C1QTNF3: variants seen among roughly 807,000 people sequenced by gnomAD.
C1QTNF3 encodes the protein C1q and TNF related 3.
Under a neutral mutation model 32.6 loss-of-function variants are expected in C1QTNF3, and 26 were observed. The ratio of observed to expected loss-of-function variants is 0.80; its 90% CI spans 0.58 to 1.11. The LOEUF is 1.11. Among genes scored for constraint, C1QTNF3 ranks in the 50% least tolerant of loss-of-function variants. The pLI is 0.00. For synonymous variants in C1QTNF3, 155 were observed against 146.0 expected (o/e 1.06, Z -0.44); for missense variants, 362 against 398.2 (o/e 0.91, Z 0.77).
At chr5:34,229,211 A>G in the C1QTNF3 span, among the ~76,000 whole-genome samples, 27 of 151,998 alleles carry the variant, frequency 1.8e-4, no homozygotes, top group South Asian at 4.1e-4. Flanking sequence ...AACAAATGGC[A>G]CATACTTAAT....
At chr5:34,136,945 AAGG>A in the C1QTNF3 span, among the ~76,000 whole-genome samples, 1 of 152,088 alleles carries the variant, frequency 6.6e-6, no homozygotes, top group African/African-American at 2.4e-5. Flanking sequence ...GGAATTGAAC[AAGG>A]AGATCACTTG....
At chr5:34,043,755 A>G (rs1754932319), upstream of C1QTNF3, 1 of 152,392 alleles carries the variant, frequency 6.6e-6, no homozygotes, top group Non-Finnish European at 1.5e-5. Context: ...ATTCAGGTGC[A>G]GTGTCTCTGG....
chr5:34,229,622 AAGATTCTTTACATGT>A, the C1QTNF3 span, among the ~76,000 whole-genome samples: 1 of 152,170 alleles, frequency 6.6e-6, no homozygotes, highest in African/African-American at 2.4e-5. Flanking sequence ...ATGCAATCGT[AAGATTCTTTACATGT>A]AGAAGAGGGA....
chr5:34,201,658 AG>A, the C1QTNF3 span, among the ~76,000 whole-genome samples: 239 of 152,334 alleles, frequency 1.6e-3, 1 homozygote, highest in African/African-American at 5.5e-3. Context: ...TCTGATAAAA[AG>A]GGGGCAGAGA....
the C1QTNF3 span, among the ~76,000 whole-genome samples, chr5:34,077,830 C>CCT: frequency 6.6e-6 from 1 of 151,390 alleles, no homozygotes; most frequent in Admixed American, 6.6e-5. Context: ...ACCTCAAGAG[C>CCT]AGAGGGCTCC....
chr5:34,123,962 T>C, the C1QTNF3 span, among the ~76,000 whole-genome samples: 2 of 152,198 alleles, frequency 1.3e-5, no homozygotes, highest in Non-Finnish European at 2.9e-5. Context: ...AGATGTCTAC[T>C]TCTAAAACTG....
chr5:34,238,473 A>G, the C1QTNF3 span, among the ~76,000 whole-genome samples: 1 of 152,220 alleles, frequency 6.6e-6, no homozygotes, highest in Non-Finnish European at 1.5e-5. Flanking sequence ...AATTCAGTAT[A>G]AGAATTTTAT....
At chr5:34,137,692 T>A in the C1QTNF3 span, among the ~76,000 whole-genome samples, 1 of 152,228 alleles carries the variant, frequency 6.6e-6, no homozygotes, top group South Asian at 2.1e-4. Context: ...TGACTTTTGT[T>A]TTCACATGCA....
the C1QTNF3 span, among the ~76,000 whole-genome samples, chr5:34,050,176 T>C: frequency 3.9e-5 from 6 of 152,198 alleles, no homozygotes; most frequent in African/African-American, 1.4e-4. Context: ...GATCACCTCA[T>C]TGTCCACATC....
chr5:34,147,242 T>C, the C1QTNF3 span, among the ~76,000 whole-genome samples: 30 of 152,338 alleles, frequency 2.0e-4, 1 homozygote, highest in Non-Finnish European at 4.3e-4. Flanking sequence ...CTGTGGAAAG[T>C]AGTTTGGAGA....
At chr5:34,163,322 G>T in the C1QTNF3 span, among the ~76,000 whole-genome samples, 1 of 151,940 alleles carries the variant, frequency 6.6e-6, no homozygotes, top group Non-Finnish European at 1.5e-5. Context: ...GCATGTACCC[G>T]CAAACCTAAA....
the C1QTNF3 span, among the ~76,000 whole-genome samples, chr5:34,201,154 T>C: frequency 7.9e-5 from 12 of 151,922 alleles, no homozygotes; most frequent in South Asian, 2.1e-4. Context: ...ATTCAATATA[T>C]ATTTTTAGAA....
chr5:34,063,288 CCTCT>C, the C1QTNF3 span, among the ~76,000 whole-genome samples: 1 of 84,138 alleles, frequency 1.2e-5, no homozygotes, highest in Non-Finnish European at 2.5e-5. Flanking sequence ...CTCTCTCTTC[CCTCT>C]CTCTCCTCTC....
the C1QTNF3 span, among the ~76,000 whole-genome samples, chr5:34,138,779 G>GA: frequency 6.6e-6 from 1 of 151,932 alleles, no homozygotes; most frequent in African/African-American, 2.4e-5. Context: ...CATAATTTTT[G>GA]AAAAAATACT....
Position 34,020,664 on chromosome 5 carries a change from C to A in C1QTNF3, c.879G>T (p.Leu293=). 1.9e-6 allele frequency: 3 copies of A among 1,614,254 alleles called. No individual in the cohort carries two copies. The highest frequency in any genetic ancestry group is 2.5e-6 in the Non-Finnish European group (3 of 1,180,042). Residue 293 remains leucine, a synonymous_variant, in exon 6 of 6, where the codon CTG becomes CTT. Coordinates refer to ENST00000382065, the MANE Select transcript of C1QTNF3 (RefSeq NM_181435.6). ...LKLAKGDEVW[L]RMGNGALHGD... is the part of the protein sequence containing the mutation. ...CATGGAGAGCGCCATTGCCCATTCG[C>A]AGCCAAACCTCATCCCCTTTGGCTA...
the C1QTNF3 span, among the ~76,000 whole-genome samples, chr5:34,082,917 G>C: frequency 6.6e-6 from 1 of 151,732 alleles, no homozygotes; most frequent in East Asian, 1.9e-4. Context: ...TTTGGGCTTT[G>C]TGTGCTGTAC....
At chr5:34,067,143 T>G in the C1QTNF3 span, among the ~76,000 whole-genome samples, 1 of 152,254 alleles carries the variant, frequency 6.6e-6, no homozygotes, top group South Asian at 2.1e-4. Context: ...CATCTCAGCC[T>G]GGATTCATTG....
chr5:34,044,920 A>C (rs1001005935), upstream of C1QTNF3, among the ~76,000 whole-genome samples: 11 of 152,184 alleles, frequency 7.2e-5, no homozygotes, highest in Non-Finnish European at 2.9e-5. Flanking sequence ...TATTCTTAGT[A>C]ACTGAGGATT....
At chr5:34,045,383 T>C (rs1281399342), upstream of C1QTNF3, among the ~76,000 whole-genome samples, 3 of 152,242 alleles carry the variant, frequency 2.0e-5, no homozygotes, top group Admixed American at 6.5e-5. Context: ...TACTGGGGCC[T>C]GGGCAGTTTT....
Sources: allele counts gnomAD v4.1 joint callset (sites outside exome capture counted in the v4.1 genomes callset), GRCh38; gene constraint gnomAD v4.1.1; transcripts MANE v1.5; gene names NCBI Gene and HGNC (gene_info 2026-07-23, HGNC 2026-07-21).